Variants in POLA1 observed in about 807,000 individuals in gnomAD.
The protein encoded by POLA1 is DNA polymerase alpha catalytic subunit.
Under a neutral mutation model 124.0 loss-of-function variants are expected in POLA1, and 15 were observed. That is an observed-to-expected ratio of 0.12 (90% CI 0.08 to 0.19). The LOEUF is 0.19. POLA1 is among the 10% of genes least tolerant of loss of function. The pLI, the probability that POLA1 is intolerant of heterozygous loss-of-function variation, is 1.00. For synonymous variants in POLA1, 408 were observed against 389.4 expected (o/e 1.05, Z -0.56); for missense variants, 886 against 1,103.4 (o/e 0.80, Z 2.79).
chrX:24,967,344 T>G lies in POLA1; in HGVS notation c.4262-28461T>G, dbSNP rs946391288. Among the ~76,000 whole-genome samples, 5 of 110,034 alleles carry G rather than the reference T, an allele frequency of 4.5e-5. No homozygotes were observed. In the East Asian group the frequency reaches 1.4e-3, roughly 31 times the overall value. ...TCGTACATAGATGTCTGGGTAGAGA[T>G]TTGTATGCTGATTGTTTGAGGGGCT... is the stretch of plus-strand genomic sequence containing the variant. On this transcript the variant is annotated intron_variant, in intron 36 of 36. Transcript: ENST00000379068.
intron 36 of POLA1, among the ~76,000 whole-genome samples, chrX:24,951,894 G>C (rs941647171): frequency 4.5e-5 from 5 of 111,762 alleles, no homozygotes; most frequent in Non-Finnish European, 9.4e-5. Flanking sequence ...TAAAATAGAA[G>C]AGTTTCTTGT....
chrX:24,903,341 T>A (rs1199209481), intron 35 of POLA1, among the ~76,000 whole-genome samples: 1 of 112,833 alleles, frequency 8.9e-6, no homozygotes, highest in African/African-American at 3.2e-5. Flanking sequence ...TATTGTTTTC[T>A]CTTCATTCTC....
chrX:24,918,450 A>G (rs767951001), intron 35 of POLA1, among the ~76,000 whole-genome samples: 13 of 111,254 alleles, frequency 1.2e-4, no homozygotes, highest in African/African-American at 3.3e-4. Flanking sequence ...GCCAAATTTA[A>G]CCCCCCAAAA....
intron 30 of POLA1, 53 bp downstream of exon 30, chrX:24,815,164 C>T: frequency 9.4e-7 from 1 of 1,067,746 alleles, no homozygotes. Context: ...TTTTTCACCT[C>T]CTTCAGATAG....
chrX:24,838,192 C>T (rs2046366727), intron 32 of POLA1, among the ~76,000 whole-genome samples: 1 of 111,817 alleles, frequency 8.9e-6, no homozygotes, highest in African/African-American at 3.2e-5. Flanking sequence ...ATGTTACTTT[C>T]TATAAATACT....
intron 36 of POLA1, among the ~76,000 whole-genome samples, chrX:24,982,049 G>C (rs1447050401): frequency 9.2e-6 from 1 of 108,272 alleles, no homozygotes; most frequent in Non-Finnish European, 1.9e-5. Context: ...GGTTGGAGTG[G>C]GTTCCCCCTT....
Position 24,930,516 on chromosome X carries a change from G to A in POLA1, c.4228G>A (p.Ala1410Thr), listed in dbSNP as rs931788610. The A allele has an allele frequency of 8.4e-7, 1 of 1,186,651 alleles. No homozygotes were observed. The highest frequency in any genetic ancestry group is 1.1e-6 in the Non-Finnish European group (1 of 872,417). Residue 1410 changes from alanine to threonine, a missense_variant, in exon 36 of 37, where the codon GCA (alanine) becomes ACA (threonine). Ala to Thr is a moderately conservative substitution (Grantham distance 58, BLOSUM62 0). Transcript: ENST00000379068. ...FYRYIFDAECALEKLTTDHEK... is the reference protein window; with the variant it reads ...FYRYIFDAECTLEKLTTDHEK... ...CCGGTACATTTTTGATGCGGAGTGT[G>A]CACTGGAGAAACTTACTACCGATCA... is the stretch of plus-strand genomic sequence containing the variant.
chrX:24,727,666 A>G (rs1423824553), intron 14 of POLA1, 116 bp from the exon 15 acceptor site: 30 of 550,921 alleles, frequency 5.4e-5, no homozygotes, highest in Non-Finnish European at 8.7e-5. Context: ...ACAATATGTC[A>G]TTCTTATTAG....
chrX:24,943,214 A>G (rs945977637), intron 36 of POLA1, among the ~76,000 whole-genome samples: 2 of 112,822 alleles, frequency 1.8e-5, no homozygotes, highest in African/African-American at 6.4e-5. Context: ...CTTAAAACAG[A>G]CGTCTTTAAC....
chrX:24,951,357 C>T (rs1369844443), intron 36 of POLA1, among the ~76,000 whole-genome samples: 2 of 60,362 alleles, frequency 3.3e-5, no homozygotes, highest in African/African-American at 6.8e-5. Flanking sequence ...CCCCCCCCCC[C>T]CACCAAATGC....
Position 24,895,524 on chromosome X carries a change from G to A in POLA1, c.4164+7402G>A, listed in dbSNP as rs144437182. On this transcript the variant is annotated intron_variant, in intron 35 of 36. Transcript: ENST00000379068. ...CATTCAATACTCTTGCTTGCATTTC[G>A]TGGGCTAGAAATTAGTCATGTGGAA... Among the ~76,000 whole-genome samples the A allele has an allele frequency of 3.4e-3, 384 of 112,379 alleles. 1 individual carries two copies. The highest frequency in any genetic ancestry group is 5.5e-3 in the Non-Finnish European group (294 of 53,289).
rs752096590 is a variant in POLA1, at chrX:24,951,753, T to G, written c.4261+21204T>G. The stretch of plus-strand genomic sequence containing the variant: ...TATGCCCTTTGAATCTTGCCTTTAT[T>G]CAGACTTCAAAATATTTAAGCACTT... On this transcript the variant is annotated intron_variant, in intron 36 of 36. Coordinates refer to ENST00000379068, the MANE Select transcript of POLA1 (RefSeq NM_001330360.2). Among the ~76,000 whole-genome samples, 3 of 112,044 alleles carry G rather than the reference T, an allele frequency of 2.7e-5. No individual in the cohort carries two copies. The South Asian group carries it at 1.1e-3, about 42-fold the overall frequency.
At chrX:24,714,450 A>T in intron 4 of POLA1, 104 bp from the exon 5 acceptor site, 1 of 487,990 alleles carries the variant, frequency 2.0e-6, no homozygotes, top group South Asian at 3.6e-5. Flanking sequence ...TGTATTTTTA[A>T]TTCTTAACAT....
At chrX:24,732,882 A>G (rs1027700083) in intron 16 of POLA1, among the ~76,000 whole-genome samples, 56 of 111,747 alleles carry the variant, frequency 5.0e-4, no homozygotes, top group Non-Finnish European at 1.7e-4. Flanking sequence ...GAGGAGTTAT[A>G]GTAATAAGAA....
chrX:24,774,077 A>G (rs985221053), intron 26 of POLA1, among the ~76,000 whole-genome samples: 3 of 111,877 alleles, frequency 2.7e-5, no homozygotes, highest in African/African-American at 9.8e-5. Flanking sequence ...GATGACCTCT[A>G]AAGTCCCTTC....
intron 35 of POLA1, among the ~76,000 whole-genome samples, chrX:24,894,879 T>C (rs1326366489): frequency 1.8e-5 from 2 of 109,078 alleles, no homozygotes; most frequent in Non-Finnish European, 3.8e-5. Context: ...CTCGACCTCC[T>C]GGGCTTAAGT....
chrX:24,968,702 CAAA>C (rs1230409270), intron 36 of POLA1, among the ~76,000 whole-genome samples: 1 of 33,975 alleles, frequency 2.9e-5, no homozygotes. Flanking sequence ...GACTCCATCT[CAAA>C]AAAAAAAAAA....
intron 36 of POLA1, among the ~76,000 whole-genome samples, chrX:24,988,007 G>A (rs1569387195): frequency 8.9e-6 from 1 of 112,216 alleles, no homozygotes. Context: ...CATAGGCTGT[G>A]AGAACAAGAG....
chrX:24,788,502 G>A (rs1315027075), intron 26 of POLA1: 2 of 1,195,911 alleles, frequency 1.7e-6, no homozygotes, highest in South Asian at 3.5e-5. Context: ...ACTACACACT[G>A]TATTTGAAGT....
Sources: allele counts gnomAD v4.1 joint callset (sites outside exome capture counted in the v4.1 genomes callset), GRCh38; gene constraint gnomAD v4.1.1; transcripts MANE v1.5; gene names NCBI Gene and HGNC (gene_info 2026-07-23, HGNC 2026-07-21).